Variants in APC2 observed in about 807,000 individuals in gnomAD.
The protein encoded by APC2 is APC regulator of Wnt signaling pathway 2, also known as adenomatous polyposis coli protein 2.
APC2 carries 41 observed loss-of-function variants against 72.5 expected under a neutral mutation model. That is an observed-to-expected ratio of 0.57 (90% confidence interval 0.44 to 0.73). The LOEUF is 0.73. Ranked by LOEUF, APC2 falls within the 30% of genes least tolerant of loss-of-function variation. The pLI, the probability that APC2 is intolerant of heterozygous loss-of-function variation, is 0.00. For missense variants in APC2, 3,729 were observed against 3,403.4 expected (o/e 1.10, Z -2.38); for synonymous variants, 1,898 against 1,612.0 (o/e 1.18, Z -4.25).
chr19:1,467,704 C>T lies in APC2; in HGVS notation c.4403C>T (p.Pro1468Leu), dbSNP rs867781301. 20 of 1,447,386 alleles carry T rather than the reference C, an allele frequency of 1.4e-5. No individual in the cohort carries two copies. Among genetic ancestry groups the T allele is most frequent in the African/African-American group, 7.5e-5 (5 of 66,908 alleles). 89.7% of individuals were successfully genotyped at this position (1,447,386 alleles called of 1,614,324 possible). A position where few individuals can be genotyped will look rare whatever the true frequency, so the allele number is the denominator to read the frequency against. Reference protein sequence around the residue: ...AGKNRAGLELPLGRPPSAPAD... With the variant: ...AGKNRAGLELLLGRPPSAPAD... ...AAGAACAGAGCAGGGCTGGAGCTGCCCCTGGGCCGGCCCCCGAGCGCCCCC... is the reference window on the plus strand; with the variant it reads ...AAGAACAGAGCAGGGCTGGAGCTGCTCCTGGGCCGGCCCCCGAGCGCCCCC... Residue 1468 changes from proline to leucine, a missense_variant, in exon 15 of 15, where the codon CCC becomes CTC. Physicochemically the swap from Pro to Leu is moderately conservative, Grantham distance 98 (BLOSUM62 -3). Transcript: ENST00000590469.
Position 1,469,980 on chromosome 19 carries a change from G to A in APC2, c.6679G>A (p.Gly2227Ser), listed in dbSNP as rs1037728305. Residue 2227 changes from glycine to serine, a missense_variant, in exon 15 of 15, where the codon GGC (glycine) becomes AGC (serine). Gly to Ser is a moderately conservative substitution (Grantham distance 56, BLOSUM62 0). Coordinates refer to ENST00000590469, the MANE Select transcript of APC2 (RefSeq NM_005883.3). Reference protein sequence around the residue: ...APAGGQLSLLGSDVDGPSLAK... With the variant: ...APAGGQLSLLSSDVDGPSLAK... ...CGCCGGCGGCCAGCTCTCCCTCCTCGGCAGCGACGTGGACGGTCCCAGCCT... is the reference window on the plus strand; with the variant it reads ...CGCCGGCGGCCAGCTCTCCCTCCTCAGCAGCGACGTGGACGGTCCCAGCCT... 1.3e-6 allele frequency: 2 copies of A among 1,525,412 alleles called. No individual in the cohort carries two copies. Among genetic ancestry groups the A allele is most frequent in the Admixed American group, 2.0e-5 (1 of 50,242 alleles). 94.5% of individuals were successfully genotyped at this position (1,525,412 alleles called of 1,614,324 possible).
At position 1,470,202 on chromosome 19, in the gene APC2, C is replaced by G. The variant is rs778022097; in HGVS notation, c.6901C>G (p.Leu2301Val). 6.3e-7 allele frequency: 1 copy of G among 1,595,346 alleles called. No individual in the cohort carries two copies. The highest frequency in any genetic ancestry group is 8.5e-7 in the Non-Finnish European group (1 of 1,173,104). Reference protein sequence around the residue: ...EKAPATASATLLE With the variant: ...EKAPATASATVLE ...AGCCCCGGCCACTGCCTCCGCCACC[C>G]TCCTGGAATAGTGGCCTAGGCCGGC... Residue 2301 changes from leucine (L) to valine (V), a missense_variant, in exon 15 of 15, where the codon CTC (leucine) becomes GTC (valine). Coordinates refer to ENST00000590469, the MANE Select transcript of APC2 (RefSeq NM_005883.3).
Position 1,462,655 on chromosome 19 carries a change from C to CAAAA in APC2, c.1853+501_1853+504dup, listed in dbSNP as rs34103912. ...GGGCAACAAGAGCGAAACTTCATCT[C>CAAAA]AAAAAAAAAAAAAAAAAAAAAAAAA... On this transcript the variant is annotated intron_variant, in intron 14 of 14. Coordinates refer to ENST00000590469, the MANE Select transcript of APC2 (RefSeq NM_005883.3). Among the ~76,000 whole-genome samples, 162 of 24,918 alleles carry CAAAA rather than the reference C, an allele frequency of 6.5e-3. 21 individuals carry two copies. Among genetic ancestry groups the CAAAA allele is most frequent in the African/African-American group, 0.019 (154 of 8,226 alleles). 16.3% of individuals were successfully genotyped at this position (24,918 alleles called of 152,430 possible). A position where few individuals can be genotyped will look rare whatever the true frequency, so the allele number is the denominator to read the frequency against.
upstream of APC2, among the ~76,000 whole-genome samples, chr19:1,449,600 G>A (rs1284578387): frequency 1.3e-5 from 2 of 152,158 alleles, no homozygotes; most frequent in Admixed American, 6.5e-5. Flanking sequence ...GTGGGGAGAT[G>A]CAGCGTCCCA....
chr19:1,456,468 C>T, intron 8 of APC2, 64 bp downstream of exon 8: 2 of 1,452,910 alleles, frequency 1.4e-6, no homozygotes, highest in Admixed American at 2.1e-5. Flanking sequence ...ATCAGGTCTG[C>T]ATCCTCGCCA....
rs776596182 is a variant in APC2, at chr19:1,460,785, C to A, written c.1449C>A (p.Thr483=). 1.9e-6 allele frequency: 3 copies of A among 1,612,898 alleles called. No individual in the cohort carries two copies. The highest frequency in any genetic ancestry group is 2.2e-5 in the East Asian group (1 of 44,882). Residue 483 remains threonine, a synonymous_variant, in exon 12 of 15, where the codon ACC becomes ACA. Transcript: ENST00000590469. ...LTFGDVANKA[T]LCARRGCMEA... ...GGCTGCATAACCCCCAACAGGCCACCCTGTGTGCGCGCCGCGGCTGCATGG... is the reference window on the plus strand; with the variant it reads ...GGCTGCATAACCCCCAACAGGCCACACTGTGTGCGCGCCGCGGCTGCATGG...
Position 1,462,141 on chromosome 19 carries a change from A to G in APC2, c.1817A>G (p.Asn606Ser), listed in dbSNP as rs2083936376. ...GAGAGCGGCGGCGGCATCCTCCGCA[A>G]TGTGTCCAGCCTCGTCGCCACCCGT... is the stretch of plus-strand genomic sequence containing the variant. ...IIESGGGILR[N>S]VSSLVATRED... is the part of the protein sequence containing the mutation. The change falls in exon 14 of 15, where the codon AAT becomes AGT. Residue 606 changes from asparagine (N) to serine (S), a missense_variant. Coordinates refer to ENST00000590469, the MANE Select transcript of APC2 (RefSeq NM_005883.3). 1.2e-6 allele frequency: 2 copies of G among 1,611,760 alleles called. No individual in the cohort carries two copies. The highest frequency in any genetic ancestry group is 2.7e-5 in the African/African-American group (2 of 75,018).
At position 1,467,703 on chromosome 19, in the gene APC2, C is replaced by T. The variant is rs1457361734; in HGVS notation, c.4402C>T (p.Pro1468Ser). The T allele has an allele frequency of 6.9e-7, 1 of 1,448,158 alleles. No individual in the cohort carries two copies. The highest frequency in any genetic ancestry group is 1.4e-5 in the South Asian group (1 of 71,442). 89.7% of individuals were successfully genotyped at this position (1,448,158 alleles called of 1,614,324 possible). A position where few individuals can be genotyped will look rare whatever the true frequency, so the allele number is the denominator to read the frequency against. Residue 1468 changes from proline (P) to serine (S), a missense_variant, in exon 15 of 15, where the codon CCC becomes TCC. Coordinates refer to ENST00000590469, the MANE Select transcript of APC2 (RefSeq NM_005883.3). ...AGKNRAGLEL[P>S]LGRPPSAPAD... ...CAAGAACAGAGCAGGGCTGGAGCTGCCCCTGGGCCGGCCCCCGAGCGCCCC... is the reference window on the plus strand; with the variant it reads ...CAAGAACAGAGCAGGGCTGGAGCTGTCCCTGGGCCGGCCCCCGAGCGCCCC...
Position 1,468,612 on chromosome 19 carries a change from C to A in APC2, c.5311C>A (p.Pro1771Thr). ...TSGSPRSPAG[P>T]EKPRGTQKTT... ...CGGGAGCCCCCGTTCCCCTGCAGGC[C>A]CCGAGAAGCCACGTGGCACACAGAA... The change falls in exon 15 of 15, where the codon CCC (proline) becomes ACC (threonine). Residue 1771 changes from proline to threonine, a missense_variant. Coordinates refer to ENST00000590469, the MANE Select transcript of APC2 (RefSeq NM_005883.3). The A allele has an allele frequency of 6.2e-7, 1 of 1,601,796 alleles. No individual in the cohort carries two copies. The highest frequency in any genetic ancestry group is 8.5e-7 in the Non-Finnish European group (1 of 1,172,996).
In APC2 at chr19:1,457,989, T is replaced by G; in HGVS notation, c.1232T>G (p.Ile411Ser). The change falls in exon 10 of 15, where the codon ATC becomes AGC. Residue 411 changes from isoleucine to serine, a missense_variant. By Grantham distance (142) the Ile-to-Ser change is moderately radical. Coordinates refer to ENST00000590469, the MANE Select transcript of APC2 (RefSeq NM_005883.3). The part of the protein sequence containing the change: ...GSAPIPIEPQ[I>S]CQATCAVMKL... ...GCCCCGATCCCCATCGAGCCGCAGA[T>G]CTGCCAGGCCACCTGTGCTGTTATG... 6.4e-7 allele frequency: 1 copy of G among 1,561,520 alleles called. No individual in the cohort carries two copies. The highest frequency in any genetic ancestry group is 8.7e-7 in the Non-Finnish European group (1 of 1,152,770).
chr19:1,467,987 C>A lies in APC2; in HGVS notation c.4686C>A (p.Ala1562=). ...SKAAPAAPPP[A]RTQPSLIADE... is the part of the protein sequence containing the mutation. ...CTGCACCAGCTGCCCCGCCGCCCGC[C>A]CGGACCCAGCCCAGCCTCATTGCTG... The change falls in exon 15 of 15, where the codon GCC becomes GCA. Residue 1562 remains alanine (A), a synonymous_variant. Transcript: ENST00000590469. The A allele has an allele frequency of 6.3e-7, 1 of 1,581,588 alleles. No homozygotes were observed. The highest frequency in any genetic ancestry group is 8.5e-7 in the Non-Finnish European group (1 of 1,173,042).
Position 1,469,627 on chromosome 19 carries a change from G to A in APC2, c.6326G>A (p.Arg2109His), listed in dbSNP as rs1320156884. Residue 2109 changes from arginine to histidine, a missense_variant, in exon 15 of 15, where the codon CGC becomes CAC. Transcript: ENST00000590469. ...YASLPHISVA[R>H]RPDGAVPAAP... ...TCGCTGCCGCACATCAGCGTGGCCCGCAGGCCCGACGGCGCCGTCCCCGCG... is the reference window on the plus strand; with the variant it reads ...TCGCTGCCGCACATCAGCGTGGCCCACAGGCCCGACGGCGCCGTCCCCGCG... 7 of 1,233,464 alleles carry A rather than the reference G, an allele frequency of 5.7e-6. No individual in the cohort carries two copies. The highest frequency in any genetic ancestry group is 2.5e-5 in the South Asian group (1 of 39,928). 76.4% of individuals were successfully genotyped at this position (1,233,464 alleles called of 1,614,324 possible).
chr19:1,453,396 G>C, intron 3 of APC2, 35 bp from the exon 4 acceptor site: 1 of 1,610,132 alleles, frequency 6.2e-7, no homozygotes. Context: ...AGGCAGGCAG[G>C]GCCGCTGACC....
intron 11 of APC2, 53 bp from the exon 12 acceptor site, chr19:1,460,727 A>G: frequency 6.4e-7 from 1 of 1,562,570 alleles, no homozygotes; most frequent in Non-Finnish European, 8.8e-7. Flanking sequence ...GGTGAGGGGC[A>G]CAGTCTCCCT....
chr19:1,456,861 G>T lies in APC2; in HGVS notation c.825G>T (p.Val275=). The T allele has an allele frequency of 6.3e-7, 1 of 1,596,604 alleles. No homozygotes were observed. The highest frequency in any genetic ancestry group is 8.5e-7 in the Non-Finnish European group (1 of 1,176,838). Residue 275 remains valine (V), a synonymous_variant, in exon 9 of 15, where the codon GTG becomes GTT. Coordinates refer to ENST00000590469, the MANE Select transcript of APC2 (RefSeq NM_005883.3). The stretch of plus-strand genomic sequence containing the variant: ...CCCTGCCCTCCCCCCAGGTGGAGGT[G>T]GTCTTCTGGCTGTTGTCCATGTTGG... ...TPQPGNSKVE[V]VFWLLSMLAT...
Position 1,457,895 on chromosome 19 carries a change from C to CGGGGGCGGGG in APC2, c.1208-67_1208-66insGGCGGGGGGG, listed in dbSNP as rs71174372. On this transcript the variant is annotated intron_variant, in intron 9 of 14. Coordinates refer to ENST00000590469, the MANE Select transcript of APC2 (RefSeq NM_005883.3). ...CTTCAGGCCTGGGGCGGGCGGGTTGCGGGACCTTCGGGAGTCACCTGGGAC... is the reference window on the plus strand; with the variant it reads ...CTTCAGGCCTGGGGCGGGCGGGTTGCGGGGGCGGGGGGGACCTTCGGGAGTCACCTGGGAC... 71 of 1,251,676 alleles carry CGGGGGCGGGG rather than the reference C, an allele frequency of 5.7e-5. 1 individual carries two copies. Among genetic ancestry groups the CGGGGGCGGGG allele is most frequent in the Middle Eastern group, 2.6e-4 (1 of 3,796 alleles). The allele number at this position is 1,251,676 out of a possible 1,614,324, so 77.5% of individuals were successfully genotyped here.
Position 1,470,134 on chromosome 19 carries a change from G to A in APC2, c.6833G>A (p.Ser2278Asn). 3 of 1,605,666 alleles carry A rather than the reference G, an allele frequency of 1.9e-6. No homozygotes were observed. Among genetic ancestry groups the A allele is most frequent in the Non-Finnish European group, 1.7e-6 (2 of 1,177,954 alleles). ...ARVPPFNYVP[S>N]PMVVAATTDS... ...GTACCCCCCTTCAACTATGTGCCCA[G>A]CCCCATGGTGGTCGCAGCCACCACC... Residue 2278 changes from serine (S) to asparagine (N), a missense_variant, in exon 15 of 15, where the codon AGC becomes AAC. Physicochemically the swap from Ser to Asn is conservative, Grantham distance 46. Transcript: ENST00000590469.
chr19:1,467,229 G>C lies in APC2; in HGVS notation c.3928G>C (p.Gly1310Arg). ...ACPERGGGAGGAGLHFAGHRR... is the reference protein window; with the variant it reads ...ACPERGGGAGRAGLHFAGHRR... ...CCCCGAGCGCGGCGGGGGCGCCGGG[G>C]GCGCCGGCCTCCACTTTGCAGGGCA... Residue 1310 changes from glycine (G) to arginine (R), a missense_variant, in exon 15 of 15, where the codon GGC (glycine) becomes CGC (arginine). By Grantham distance (125) the Gly-to-Arg change is moderately radical. Transcript: ENST00000590469. The C allele has an allele frequency of 7.3e-7, 1 of 1,370,148 alleles. No homozygotes were observed. Among genetic ancestry groups the C allele is most frequent in the African/African-American group, 1.5e-5 (1 of 66,516 alleles). 84.9% of individuals were successfully genotyped at this position (1,370,148 alleles called of 1,614,324 possible).
In APC2 at chr19:1,450,185, CCGCCCCGGAGCCCCTGCCCG is replaced by C; in HGVS notation, c.-167_-148del. 1 of 985,340 alleles carries C rather than the reference CCGCCCCGGAGCCCCTGCCCG, an allele frequency of 1.0e-6. No individual in the cohort carries two copies. Among genetic ancestry groups the C allele is most frequent in the African/African-American group, 1.7e-5 (1 of 57,340 alleles). The allele number at this position is 985,340 out of a possible 1,614,324, so 61.0% of individuals were successfully genotyped here. On this transcript the variant is annotated 5_prime_UTR_variant, in exon 1 of 15. Transcript: ENST00000590469. ...TGCCCAGGCCCGGACCGGGCTTTGT[CCGCCCCGGAGCCCCTGCCCG>C]CGCCGCGGAGACCCCGGAGCCCGCG...
Sources: allele counts gnomAD v4.1 joint callset (sites outside exome capture counted in the v4.1 genomes callset), GRCh38; gene constraint gnomAD v4.1.1; transcripts MANE v1.5; gene names NCBI Gene and HGNC (gene_info 2026-07-23, HGNC 2026-07-21).